SFMBT1: variants seen among roughly 807,000 people sequenced by gnomAD.
SFMBT1 encodes the protein Scm like with four mbt domains 1, also known as scm-like with four MBT domains protein 1.
In SFMBT1, 32 loss-of-function variants were observed where a neutral mutation model predicts 108.7. The observed-to-expected ratio is 0.29, with a 90% confidence interval of 0.22 to 0.40. SFMBT1 has a LOEUF of 0.40. Among genes scored for constraint, SFMBT1 ranks in the 10% least tolerant of loss-of-function variants. The pLI is 1.00. For missense variants in SFMBT1, 816 were observed against 1,059.6 expected (o/e 0.77, Z 3.19); for synonymous variants, 348 against 369.5 (o/e 0.94, Z 0.67).
At chr3:52,919,595 T>C (rs559716509) in intron 12 of SFMBT1, among the ~76,000 whole-genome samples, 23 of 152,350 alleles carry the variant, frequency 1.5e-4, no homozygotes, top group Middle Eastern at 3.4e-3. Flanking sequence ...GGTACGTCAA[T>C]TGTAACACCA....
intron 4 of SFMBT1, among the ~76,000 whole-genome samples, chr3:52,940,571 G>T (rs1703148102): frequency 6.6e-6 from 1 of 152,026 alleles, no homozygotes; most frequent in African/African-American, 2.4e-5. Context: ...GGAGGAAAGG[G>T]GGAAGCTCTT....
intron 10 of SFMBT1, among the ~76,000 whole-genome samples, chr3:52,923,988 C>T (rs940314188): frequency 6.6e-6 from 1 of 152,084 alleles, no homozygotes; most frequent in African/African-American, 2.4e-5. Flanking sequence ...AAAAGCAGGT[C>T]ATCTACAAAA....
chr3:52,907,916 A>AG, intron 17 of SFMBT1, among the ~76,000 whole-genome samples, 183 bp from the exon 18 acceptor site: 1 of 152,190 alleles, frequency 6.6e-6, no homozygotes. Flanking sequence ...TGATCCCTCC[A>AG]TATCAAAGTA....
At chr3:53,020,325 G>A (rs1039213993) in intron 1 of SFMBT1, among the ~76,000 whole-genome samples, 4 of 151,996 alleles carry the variant, frequency 2.6e-5, no homozygotes, top group Non-Finnish European at 4.4e-5. Context: ...GGGAGGCGGA[G>A]GTTGCAGCGA....
At chr3:53,019,415 T>C (rs1421293761) in intron 1 of SFMBT1, among the ~76,000 whole-genome samples, 2 of 151,928 alleles carry the variant, frequency 1.3e-5, no homozygotes, top group African/African-American at 2.4e-5. Flanking sequence ...AAATCAATGA[T>C]TAGGACTCAC....
chr3:52,948,310 T>G (rs1336861774), intron 3 of SFMBT1, among the ~76,000 whole-genome samples: 1 of 152,154 alleles, frequency 6.6e-6, no homozygotes, highest in Non-Finnish European at 1.5e-5. Context: ...TTCCTTAAAG[T>G]AGCACTATAC....
rs1553636682 is a variant in SFMBT1, at chr3:52,945,140, A to AAAAAAAACAAAC, written c.124-1548_124-1547insGTTTGTTTTTTT. ...TTCCAAATACCACCTTCCAATTAAA[A>AAAAAAAACAAAC]AAAAAAAAAAACAAGGACTTCAGGG... On this transcript the variant is annotated intron_variant, in intron 3 of 20. Transcript: ENST00000394752. Among the ~76,000 whole-genome samples, 72 of 146,268 alleles carry AAAAAAAACAAAC rather than the reference A, an allele frequency of 4.9e-4. 5 individuals are homozygous for AAAAAAAACAAAC. Among genetic ancestry groups the AAAAAAAACAAAC allele is most frequent in the African/African-American group, 1.8e-3 (70 of 39,998 alleles).
chr3:53,005,491 G>C (rs1318594356), intron 1 of SFMBT1, among the ~76,000 whole-genome samples: 1 of 152,148 alleles, frequency 6.6e-6, no homozygotes, highest in Non-Finnish European at 1.5e-5. Context: ...TGTTATTGTA[G>C]AAACAGGATT....
At chr3:52,926,183 C>G (rs1013810144) in intron 9 of SFMBT1, 70 bp from the exon 10 acceptor site, 24 of 1,380,376 alleles carry the variant, frequency 1.7e-5, no homozygotes, top group Non-Finnish European at 2.3e-5. Flanking sequence ...TCACCCCTCA[C>G]CAAGGGTCCA....
chr3:52,906,015 AAC>A, intron 20 of SFMBT1, 96 bp downstream of exon 20: 1 of 1,392,614 alleles, frequency 7.2e-7, no homozygotes, highest in South Asian at 1.3e-5. Context: ...TTTGGATCAA[AAC>A]ATTTTTCCTA....
intron 2 of SFMBT1, 48 bp from the exon 3 acceptor site, chr3:52,954,459 A>G: frequency 7.2e-7 from 1 of 1,384,048 alleles, no homozygotes; most frequent in African/African-American, 1.4e-5. Flanking sequence ...ATTAAAGAAA[A>G]CTCAAGGTAT....
chr3:52,956,688 G>T (rs1169101024), intron 2 of SFMBT1, among the ~76,000 whole-genome samples: 1 of 152,176 alleles, frequency 6.6e-6, no homozygotes, highest in African/African-American at 2.4e-5. Flanking sequence ...TTGAACCGGG[G>T]AGGTGGAGGT....
chr3:52,931,442 AT>A (rs1702856555), intron 6 of SFMBT1, among the ~76,000 whole-genome samples: 1 of 152,132 alleles, frequency 6.6e-6, no homozygotes, highest in Non-Finnish European at 1.5e-5. Context: ...TCCCTAGATA[AT>A]TTTTTATTTT....
At chr3:52,978,629 T>C (rs889955932) in intron 1 of SFMBT1, among the ~76,000 whole-genome samples, 5 of 152,292 alleles carry the variant, frequency 3.3e-5, no homozygotes, top group East Asian at 3.9e-4. Context: ...CCCAAGACAT[T>C]TGAAAACATA....
intron 1 of SFMBT1, among the ~76,000 whole-genome samples, chr3:53,017,075 T>C (rs1388508882): frequency 6.6e-6 from 1 of 152,232 alleles, no homozygotes; most frequent in African/African-American, 2.4e-5. Flanking sequence ...ACTATGCTAC[T>C]ATGCTGAGTA....
chr3:52,905,305 G>GGAGGC, intron 20 of SFMBT1, 29 bp from the exon 21 acceptor site: 1 of 1,606,374 alleles, frequency 6.2e-7, no homozygotes, highest in African/African-American at 1.3e-5. Flanking sequence ...CAAATTATCT[G>GGAGGC]TGATGTGCAC....
intron 1 of SFMBT1, among the ~76,000 whole-genome samples, chr3:53,021,880 T>C (rs1177205208): frequency 6.6e-6 from 1 of 152,218 alleles, no homozygotes; most frequent in African/African-American, 2.4e-5. Flanking sequence ...ACCAACCATT[T>C]TCCCCTAGAA....
At chr3:52,928,126 A>G in intron 9 of SFMBT1, 65 bp downstream of exon 9, 1 of 1,567,088 alleles carries the variant, frequency 6.4e-7, no homozygotes, top group Admixed American at 1.8e-5. Flanking sequence ...CAGCAATGCC[A>G]TCTGACATGT....
intron 2 of SFMBT1, among the ~76,000 whole-genome samples, chr3:52,966,746 G>GA (rs1333176564): frequency 1.3e-4 from 19 of 150,710 alleles, no homozygotes; most frequent in Non-Finnish European, 2.5e-4. Context: ...TAAAAATACT[G>GA]AAAAATATAA....
Sources: allele counts gnomAD v4.1 joint callset (sites outside exome capture counted in the v4.1 genomes callset), GRCh38; gene constraint gnomAD v4.1.1; transcripts MANE v1.5; gene names NCBI Gene and HGNC (gene_info 2026-07-23, HGNC 2026-07-21).